PTPRJ: variants seen among roughly 807,000 people sequenced by gnomAD.
The protein encoded by PTPRJ is receptor-type tyrosine-protein phosphatase eta.
A neutral mutation model predicts 141.3 loss-of-function variants in PTPRJ; 129 were observed. The observed-to-expected ratio is 0.91, with a 90% CI of 0.79 to 1.06. The LOEUF (loss-of-function observed/expected upper bound fraction) is 1.06. Among genes scored for constraint, PTPRJ ranks in the 50% least tolerant of loss-of-function variants. The probability of loss-of-function intolerance (pLI) is 0.00; values close to 1 mark genes in which losing one functional copy is unlikely to be tolerated. For synonymous variants in PTPRJ, 610 were observed against 640.5 expected, an observed-to-expected ratio of 0.95 and a Z score of 0.72; for missense variants, 1,601 against 1,679.7, an observed-to-expected ratio of 0.95 and a Z score of 0.82.
intron 1 of PTPRJ, among the ~76,000 whole-genome samples, chr11:48,082,765 T>C (rs956970743): frequency 5.1e-4 from 78 of 152,022 alleles, no homozygotes; most frequent in African/African-American, 1.8e-3. Flanking sequence ...TGGTAAAAAT[T>C]CATGCGGTGC....
chr11:48,092,181 G>A lies in PTPRJ; in HGVS notation c.97-17877G>A, dbSNP rs368910610. Among the ~76,000 whole-genome samples, 2 of 149,852 alleles carry A rather than the reference G, an allele frequency of 1.3e-5. 1 individual carries two copies. Among genetic ancestry groups the A allele is most frequent in the South Asian group, 4.2e-4 (2 of 4,736 alleles). On this transcript the variant is annotated intron_variant, in intron 1 of 24. Transcript: ENST00000418331. Reference sequence around the variant, plus strand: ...ATGGTGGTGCATGCCTGTAATCCCAGCTACTCAGTAGGCTGAGGCAAAAGA... The same window carrying A: ...ATGGTGGTGCATGCCTGTAATCCCAACTACTCAGTAGGCTGAGGCAAAAGA...
At chr11:48,138,334 G>A (rs916712097) in intron 10 of PTPRJ, among the ~76,000 whole-genome samples, 18 of 152,122 alleles carry the variant, frequency 1.2e-4, no homozygotes, top group African/African-American at 4.3e-4. Context: ...ATAGTTATTT[G>A]TAGCCTATAG....
chr11:48,007,386 G>C (rs911958578), intron 1 of PTPRJ, among the ~76,000 whole-genome samples: 8 of 151,872 alleles, frequency 5.3e-5, no homozygotes, highest in Non-Finnish European at 1.5e-5. Context: ...TGGGATTACA[G>C]GCATGAGCCA....
At position 48,139,568 on chromosome 11, in the gene PTPRJ, C is replaced by T. The variant is rs755561818; in HGVS notation, c.2235C>T (p.Gly745=). 8 of 1,614,114 alleles carry T rather than the reference C, an allele frequency of 5.0e-6. No individual in the cohort carries two copies. Among genetic ancestry groups the T allele is most frequent in the African/African-American group, 1.3e-5 (1 of 74,950 alleles). The stretch of plus-strand genomic sequence containing the variant: ...TTCTCAAATGGACCTGCCCTCCTGG[C>T]GCCAATGCAGGCTTTGAGCTGGAGG... ...ALVLKWTCPP[G]ANAGFELEVS... Residue 745 remains glycine, a synonymous_variant, in exon 11 of 25, where the codon GGC becomes GGT. Transcript: ENST00000418331.
intron 19 of PTPRJ, among the ~76,000 whole-genome samples, chr11:48,154,391 C>A (rs1590564640): frequency 1.3e-5 from 2 of 152,340 alleles, no homozygotes; most frequent in African/African-American, 4.8e-5. Context: ...ATATTTAGCT[C>A]ATTTCCTGTT....
At chr11:48,080,254 A>G (rs1293189286) in intron 1 of PTPRJ, among the ~76,000 whole-genome samples, 1 of 152,312 alleles carries the variant, frequency 6.6e-6, no homozygotes, top group East Asian at 1.9e-4. Context: ...TATTATTACT[A>G]TGGAACAAAT....
intron 1 of PTPRJ, among the ~76,000 whole-genome samples, chr11:48,109,336 G>A (rs17789547): frequency 0.041 from 6,167 of 152,162 alleles, 148 homozygotes; most frequent in Non-Finnish European, 0.047. Context: ...ACAATAGAGT[G>A]TACAACCTTG....
At position 47,980,776 on chromosome 11, in the gene PTPRJ, G is replaced by C. The variant is rs1008938543; in HGVS notation, c.-137G>C. 8 of 1,028,228 alleles carry C rather than the reference G, an allele frequency of 7.8e-6. No homozygotes were observed. Among genetic ancestry groups the C allele is most frequent in the Non-Finnish European group, 9.3e-6 (8 of 860,330 alleles). 63.7% of individuals were successfully genotyped at this position (1,028,228 alleles called of 1,614,324 possible). A position where few individuals can be genotyped will look rare whatever the true frequency, so the allele number is the denominator to read the frequency against. The stretch of plus-strand genomic sequence containing the variant: ...TCTCCGGGGAAGCCCGGGGCGGGCG[G>C]AGCGGGGACGAGGCGGACCGGCTGG... On this transcript the variant is annotated 5_prime_UTR_variant, in exon 1 of 25. Coordinates refer to ENST00000418331, the MANE Select transcript of PTPRJ (RefSeq NM_002843.4).
Position 48,110,066 on chromosome 11 carries a change from C to CGCAGGT in PTPRJ, c.107_112dup (p.Ala36_Gly37dup). The CGCAGGT allele has an allele frequency of 1.9e-6, 3 of 1,613,880 alleles. No individual in the cohort carries two copies. The highest frequency in any genetic ancestry group is 2.5e-6 in the Non-Finnish European group (3 of 1,179,806). On this transcript the variant is annotated inframe_insertion, in exon 2 of 25. Coordinates refer to ENST00000418331, the MANE Select transcript of PTPRJ (RefSeq NM_002843.4). ...TTCTTTTTCTGTTTCAGATCCTGTG[C>CGCAGGT]GCAGGTGGCAGTGAGTACCCTTTTC...
chr11:48,090,048 G>A (rs1565297652), intron 1 of PTPRJ, among the ~76,000 whole-genome samples: 1 of 152,202 alleles, frequency 6.6e-6, no homozygotes, highest in Non-Finnish European at 1.5e-5. Flanking sequence ...TCAGGAAAAT[G>A]TTGGAAAACA....
chr11:48,064,688 C>A (rs1855033251), intron 1 of PTPRJ, among the ~76,000 whole-genome samples: 1 of 152,142 alleles, frequency 6.6e-6, no homozygotes, highest in South Asian at 2.1e-4. Flanking sequence ...ACTGCAACCA[C>A]CGCCTCCTGG....
chr11:48,134,816 T>A (rs1857051390), intron 8 of PTPRJ, among the ~76,000 whole-genome samples: 1 of 152,114 alleles, frequency 6.6e-6, no homozygotes, highest in Non-Finnish European at 1.5e-5. Context: ...GAGGATGGGC[T>A]CCTGTGGGAG....
At chr11:48,044,105 G>A (rs956634529) in intron 1 of PTPRJ, among the ~76,000 whole-genome samples, 1 of 152,230 alleles carries the variant, frequency 6.6e-6, no homozygotes, top group African/African-American at 2.4e-5. Flanking sequence ...GCGCACATGC[G>A]AAAGACATGA....
intron 1 of PTPRJ, among the ~76,000 whole-genome samples, chr11:48,079,632 G>A (rs1855508010): frequency 6.6e-6 from 1 of 152,138 alleles, no homozygotes; most frequent in African/African-American, 2.4e-5. Context: ...TAGGAGGGCA[G>A]AGGAAGAGGA....
Position 48,070,129 on chromosome 11 carries a change from A to G in PTPRJ, c.97-39929A>G, listed in dbSNP as rs535579720. ...TGCCATATCTTTGGTTGGGCATCCA[A>G]TAAAATATGGTATTTAGGGGCTACC... is the stretch of plus-strand genomic sequence containing the variant. On this transcript the variant is annotated intron_variant, in intron 1 of 24. Coordinates refer to ENST00000418331, the MANE Select transcript of PTPRJ (RefSeq NM_002843.4). Among the ~76,000 whole-genome samples, 29 of 152,316 alleles carry G rather than the reference A, an allele frequency of 1.9e-4. No homozygotes were observed. In the East Asian group the frequency reaches 4.8e-3, roughly 25 times the overall value.
At position 47,980,690 on chromosome 11, in the gene PTPRJ, C is replaced by T. The variant is rs1315609111; in HGVS notation, c.-223C>T. On this transcript the variant is annotated 5_prime_UTR_variant, in exon 1 of 25. Transcript: ENST00000418331. ...CCCCTGCGCGCTCAGGGACGCGGCC[C>T]CCCCGCGGCAGCCGCGCTAGGCTCC... 2.0e-6 allele frequency: 2 copies of T among 990,812 alleles called. No homozygotes were observed. The highest frequency in any genetic ancestry group is 4.7e-5 in the South Asian group (1 of 21,410). 61.4% of individuals were successfully genotyped at this position (990,812 alleles called of 1,614,324 possible). A position where few individuals can be genotyped will look rare whatever the true frequency, so the allele number is the denominator to read the frequency against.
chr11:48,078,440 C>T (rs1855468916), intron 1 of PTPRJ, among the ~76,000 whole-genome samples: 1 of 152,154 alleles, frequency 6.6e-6, no homozygotes, highest in South Asian at 2.1e-4. Context: ...GGAAAGGTGT[C>T]CTGGAGCCCT....
chr11:48,093,526 A>C (rs1855924395), intron 1 of PTPRJ, among the ~76,000 whole-genome samples: 1 of 152,182 alleles, frequency 6.6e-6, no homozygotes, highest in Non-Finnish European at 1.5e-5. Context: ...AACTTTTACC[A>C]TTTGCAACTA....
intron 1 of PTPRJ, among the ~76,000 whole-genome samples, chr11:47,992,248 A>G (rs1854215714): frequency 6.6e-6 from 1 of 151,656 alleles, no homozygotes; most frequent in Non-Finnish European, 1.5e-5. Flanking sequence ...ATCTCAGCTC[A>G]CTGTAACCTC....
Sources: gnomAD v4.1 joint callset for allele counts (sites outside exome capture counted in the v4.1 genomes callset) on GRCh38, gnomAD v4.1.1 for gene constraint, MANE v1.5 for transcripts, NCBI Gene and HGNC (gene_info 2026-07-23, HGNC 2026-07-21) for gene names.